Variants in EPHA5 observed in about 807,000 individuals in gnomAD.
The protein encoded by EPHA5 is EPH receptor A5, also known as ephrin type-A receptor 5.
A neutral mutation model predicts 105.0 loss-of-function variants in EPHA5; 60 were observed. The ratio of observed to expected loss-of-function variants is 0.57; its 90% CI spans 0.46 to 0.71. The LOEUF (loss-of-function observed/expected upper bound fraction) is 0.71. Ranked by LOEUF, EPHA5 falls within the 30% of genes least tolerant of loss-of-function variation. EPHA5 has a pLI of 0.00. For missense variants in EPHA5, 1,218 were observed against 1,274.7 expected (o/e 0.96, Z 0.68); for synonymous variants, 513 against 449.1 (o/e 1.14, Z -1.80).
At chr4:65,552,735 TTC>T (rs1274300131) in intron 3 of EPHA5, among the ~76,000 whole-genome samples, 1 of 152,180 alleles carries the variant, frequency 6.6e-6, no homozygotes, top group East Asian at 1.9e-4. Context: ...TTCAAGGGTT[TTC>T]TCTGCATGTT....
chr4:65,478,290 A>T (rs190143179), intron 5 of EPHA5, among the ~76,000 whole-genome samples: 24 of 152,336 alleles, frequency 1.6e-4, no homozygotes, highest in African/African-American at 5.8e-4. Flanking sequence ...GAAACAAAAC[A>T]TTCATCTCAT....
chr4:65,574,948 T>C (rs1231659131), intron 3 of EPHA5, among the ~76,000 whole-genome samples: 1 of 151,744 alleles, frequency 6.6e-6, no homozygotes, highest in Non-Finnish European at 1.5e-5. Flanking sequence ...ACTTATTTTA[T>C]TGAACAAGGT....
intron 3 of EPHA5, among the ~76,000 whole-genome samples, chr4:65,585,619 A>G (rs1219384928): frequency 2.6e-5 from 4 of 151,892 alleles, no homozygotes; most frequent in Non-Finnish European, 4.4e-5. Flanking sequence ...AAGAACACTT[A>G]TTTGGGAAAA....
At chr4:65,494,742 G>T (rs1374183129) in intron 4 of EPHA5, among the ~76,000 whole-genome samples, 3 of 152,168 alleles carry the variant, frequency 2.0e-5, no homozygotes, top group Admixed American at 6.6e-5. Flanking sequence ...AAACATGACA[G>T]CTGCTTGAGA....
chr4:65,330,673 C>A, intron 16 of EPHA5: 23 of 758,302 alleles, frequency 3.0e-5, no homozygotes, highest in Non-Finnish European at 3.7e-5. Context: ...TTAAAATGAC[C>A]ATTTTTACTG....
At chr4:65,565,184 A>G (rs1286562141) in intron 3 of EPHA5, among the ~76,000 whole-genome samples, 1 of 151,704 alleles carries the variant, frequency 6.6e-6, no homozygotes, top group Non-Finnish European at 1.5e-5. Context: ...TTCTATAACC[A>G]ACTTTTCCAG....
intron 2 of EPHA5, among the ~76,000 whole-genome samples, chr4:65,617,696 G>A (rs1441394565): frequency 6.6e-6 from 1 of 152,050 alleles, no homozygotes. Flanking sequence ...AAAGAAAGAA[G>A]GAAAGTTAAA....
intron 5 of EPHA5, among the ~76,000 whole-genome samples, chr4:65,476,127 A>AGAGTGTGT (rs1425495059): frequency 3.1e-4 from 37 of 119,190 alleles, no homozygotes; most frequent in African/African-American, 6.2e-4. Flanking sequence ...AGAGAGAGAG[A>AGAGTGTGT]GTGTGTGTGT....
At chr4:65,612,581 A>G (rs1346647422) in intron 2 of EPHA5, among the ~76,000 whole-genome samples, 1 of 152,202 alleles carries the variant, frequency 6.6e-6, no homozygotes, top group Admixed American at 6.5e-5. Context: ...TTTGATGAAC[A>G]CTTAGGTTAA....
chr4:65,442,900 TAACACTTGAGATGAC>T (rs1726157151), intron 5 of EPHA5, among the ~76,000 whole-genome samples: 1 of 152,138 alleles, frequency 6.6e-6, no homozygotes, highest in African/African-American at 2.4e-5. Context: ...AGTCACTGCC[TAACACTTGAGATGAC>T]AACTCTAAAG....
At chr4:65,423,669 G>GT (rs71657409) in intron 5 of EPHA5, among the ~76,000 whole-genome samples, 5,101 of 141,908 alleles carry the variant, frequency 0.036, 122 homozygotes, top group African/African-American at 0.062. Flanking sequence ...GGGTTTGTCT[G>GT]TTTTTTTTTT....
At chr4:65,387,177 T>C (rs1407831051) in intron 8 of EPHA5, among the ~76,000 whole-genome samples, 2 of 151,876 alleles carry the variant, frequency 1.3e-5, no homozygotes, top group African/African-American at 4.8e-5. Context: ...GGATTGATAG[T>C]GATTTTCACC....
chr4:65,382,245 G>A (rs1027542431), intron 8 of EPHA5, among the ~76,000 whole-genome samples: 1 of 149,574 alleles, frequency 6.7e-6, no homozygotes, highest in Non-Finnish European at 1.5e-5. Flanking sequence ...AATGAAAGCA[G>A]AAAAAAACTT....
chr4:65,595,541 C>A (rs1035487435), intron 3 of EPHA5, among the ~76,000 whole-genome samples: 1 of 151,602 alleles, frequency 6.6e-6, no homozygotes, highest in Non-Finnish European at 1.5e-5. Flanking sequence ...TAACCTGTAG[C>A]TACCCTTTAT....
intron 8 of EPHA5, among the ~76,000 whole-genome samples, chr4:65,391,584 G>C (rs1720720100): frequency 2.0e-5 from 3 of 152,098 alleles, no homozygotes; most frequent in African/African-American, 7.2e-5. Flanking sequence ...CAGTGCTATT[G>C]ATTTTCACTG....
chr4:65,394,133 C>T (rs1026656465), intron 8 of EPHA5, among the ~76,000 whole-genome samples: 3 of 152,134 alleles, frequency 2.0e-5, no homozygotes, highest in African/African-American at 7.2e-5. Context: ...ACTGGATATA[C>T]CTGTCCCATG....
intron 3 of EPHA5, among the ~76,000 whole-genome samples, chr4:65,508,668 G>T (rs764647066): frequency 3.0e-4 from 46 of 152,046 alleles, no homozygotes; most frequent in Non-Finnish European, 6.5e-4. Flanking sequence ...ACAACAAAAA[G>T]AAACTTATTC....
intron 16 of EPHA5, chr4:65,330,963 C>T: frequency 1.9e-6 from 2 of 1,043,622 alleles, no homozygotes; most frequent in South Asian, 4.6e-5. Context: ...TGGTGGTACC[C>T]TGTTACCTTC....
chr4:65,458,997 AC>A (rs199814362), intron 5 of EPHA5, among the ~76,000 whole-genome samples: 2,436 of 152,164 alleles, frequency 0.016, 28 homozygotes, highest in Non-Finnish European at 0.026. Context: ...GAATTTTCAC[AC>A]CTGTTATTTT....
Sources: allele counts gnomAD v4.1 joint callset (sites outside exome capture counted in the v4.1 genomes callset), GRCh38; gene constraint gnomAD v4.1.1; transcripts MANE v1.5; gene names NCBI Gene and HGNC (gene_info 2026-07-23, HGNC 2026-07-21).